DPP6: variants seen among roughly 807,000 people sequenced by gnomAD.
DPP6 encodes dipeptidyl peptidase like 6.
In DPP6, 69 loss-of-function variants were observed where a neutral mutation model predicts 122.6. The ratio of observed to expected loss-of-function variants is 0.56; its 90% confidence interval spans 0.46 to 0.69. The LOEUF is 0.69. Ranked by LOEUF, DPP6 falls within the 30% of genes least tolerant of loss-of-function variation. The pLI is 0.00. For synonymous variants in DPP6, 418 were observed against 433.1 expected, an observed-to-expected ratio of 0.97 and a Z score of 0.43; for missense variants, 928 against 1,116.9, an observed-to-expected ratio of 0.83 and a Z score of 2.41.
intron 1 of DPP6, among the ~76,000 whole-genome samples, chr7:153,921,057 AGATCTGGCCACATG>A: frequency 6.6e-6 from 1 of 152,262 alleles, no homozygotes; most frequent in Non-Finnish European, 1.5e-5. Flanking sequence ...TATAGCGAGA[AGATCTGGCCACATG>A]ACTTTCCCTG....
chr7:154,678,105 C>G (rs374441190), intron 7 of DPP6, among the ~76,000 whole-genome samples: 2 of 152,266 alleles, frequency 1.3e-5, no homozygotes, highest in East Asian at 3.9e-4. Context: ...TGCTCTGTGT[C>G]TAGCTAAAGG....
chr7:154,376,584 A>G (rs1207189585), intron 1 of DPP6, among the ~76,000 whole-genome samples: 2 of 152,252 alleles, frequency 1.3e-5, no homozygotes, highest in South Asian at 2.1e-4. Context: ...AATGAGAAAC[A>G]CATTTGTGTC....
chr7:153,892,031 T>C (rs937801005), intron 1 of DPP6, among the ~76,000 whole-genome samples: 2 of 152,230 alleles, frequency 1.3e-5, no homozygotes, highest in African/African-American at 4.8e-5. Context: ...TCACTGACAC[T>C]GGTTTTAGGC....
chr7:154,686,506 A>T (rs1839614669), intron 7 of DPP6, among the ~76,000 whole-genome samples: 1 of 151,838 alleles, frequency 6.6e-6, no homozygotes, highest in Non-Finnish European at 1.5e-5. Context: ...CTCCCCACTG[A>T]GCATTCTCAA....
At chr7:154,632,849 T>C (rs1350545050) in intron 5 of DPP6, among the ~76,000 whole-genome samples, 2 of 152,080 alleles carry the variant, frequency 1.3e-5, no homozygotes, top group African/African-American at 4.8e-5. Context: ...AGGGTAGAAA[T>C]TTCCTGACTA....
At chr7:154,708,390 AGCACACT>A (rs1477101545) in intron 7 of DPP6, among the ~76,000 whole-genome samples, 3 of 152,220 alleles carry the variant, frequency 2.0e-5, no homozygotes, top group African/African-American at 7.2e-5. Flanking sequence ...CCGTCAGGTG[AGCACACT>A]GCATTCTTAG....
chr7:153,768,879 C>T, the DPP6 span, among the ~76,000 whole-genome samples: 1 of 152,140 alleles, frequency 6.6e-6, no homozygotes, highest in Non-Finnish European at 1.5e-5. Context: ...CTGGGCTTAA[C>T]ACCCAAATTC....
intron 16 of DPP6, among the ~76,000 whole-genome samples, chr7:154,820,377 A>C (rs754343609): frequency 6.6e-6 from 1 of 152,182 alleles, no homozygotes; most frequent in Non-Finnish European, 1.5e-5. Flanking sequence ...CTGCTGTGAA[A>C]ATGAAGGAAG....
At chr7:154,299,286 T>C (rs1333712928) in intron 1 of DPP6, among the ~76,000 whole-genome samples, 1 of 152,192 alleles carries the variant, frequency 6.6e-6, no homozygotes, top group African/African-American at 2.4e-5. Flanking sequence ...GACCTCAGCA[T>C]TTAAGTAATG....
chr7:154,349,381 G>A (rs891638782), intron 1 of DPP6, among the ~76,000 whole-genome samples: 13 of 152,160 alleles, frequency 8.5e-5, no homozygotes, highest in Non-Finnish European at 1.3e-4. Flanking sequence ...TCACCATGTC[G>A]GCCAGGCTTG....
chr7:154,531,762 T>C (rs1258811162), intron 3 of DPP6, among the ~76,000 whole-genome samples: 1 of 152,170 alleles, frequency 6.6e-6, no homozygotes. Flanking sequence ...ACAAGTATAA[T>C]TGCGTGGAAG....
intron 1 of DPP6, among the ~76,000 whole-genome samples, chr7:153,958,714 A>T (rs370321637): frequency 6.6e-6 from 1 of 152,284 alleles, no homozygotes; most frequent in African/African-American, 2.4e-5. Flanking sequence ...GACAGCAGGA[A>T]CAGACACTAC....
At chr7:153,965,002 TCC>T (rs1795617604) in intron 1 of DPP6, among the ~76,000 whole-genome samples, 3 of 128,698 alleles carry the variant, frequency 2.3e-5, no homozygotes, top group Admixed American at 7.7e-5. Flanking sequence ...CTTCCTTTCT[TCC>T]TTCCTTCCTT....
chr7:153,941,412 T>A (rs1436767927), intron 1 of DPP6, among the ~76,000 whole-genome samples: 1 of 152,154 alleles, frequency 6.6e-6, no homozygotes, highest in African/African-American at 2.4e-5. Context: ...ATGTCTGTAA[T>A]GAAGCAGAGA....
chr7:153,958,897 G>A (rs1242718175), intron 1 of DPP6, among the ~76,000 whole-genome samples: 1 of 151,462 alleles, frequency 6.6e-6, no homozygotes, highest in Admixed American at 6.6e-5. Context: ...CTTGGCAAGC[G>A]CTTGGAACAC....
intron 3 of DPP6, among the ~76,000 whole-genome samples, chr7:154,529,630 A>C (rs1563809295): frequency 6.6e-6 from 1 of 152,230 alleles, no homozygotes; most frequent in Admixed American, 6.5e-5. Context: ...AGCTATTATA[A>C]CTATCCTCAA....
intron 1 of DPP6, among the ~76,000 whole-genome samples, chr7:154,347,147 G>C (rs556520637): frequency 6.6e-6 from 1 of 152,264 alleles, no homozygotes; most frequent in South Asian, 2.1e-4. Flanking sequence ...CTCCTGCTCG[G>C]TTCATGTAAC....
At chr7:154,775,879 C>T (rs928111581) in intron 10 of DPP6, among the ~76,000 whole-genome samples, 3 of 152,208 alleles carry the variant, frequency 2.0e-5, no homozygotes, top group African/African-American at 7.2e-5. Flanking sequence ...CTGCTCCCTG[C>T]AGTCTCCCCA....
intron 5 of DPP6, among the ~76,000 whole-genome samples, chr7:154,604,921 C>G (rs1833537899): frequency 8.4e-6 from 1 of 119,522 alleles, no homozygotes; most frequent in African/African-American, 2.6e-5. Context: ...CAATGTTAGC[C>G]CAGAAACCAT....
Sources: gnomAD v4.1 joint callset for allele counts (sites outside exome capture counted in the v4.1 genomes callset) on GRCh38, gnomAD v4.1.1 for gene constraint, MANE v1.5 for transcripts, NCBI Gene and HGNC (gene_info 2026-07-23, HGNC 2026-07-21) for gene names.